Variants in PCNX4 observed in about 807,000 individuals in gnomAD.
The protein encoded by PCNX4 is pecanex-like protein 4.
PCNX4 carries 103 observed loss-of-function variants against 107.2 expected under a neutral mutation model. That is an observed-to-expected ratio of 0.96 (90% CI 0.82 to 1.13). The LOEUF (loss-of-function observed/expected upper bound fraction) is 1.13, where lower values mean the gene tolerates loss of function less well. Ranked by LOEUF, PCNX4 falls within the 50% of genes most tolerant of loss-of-function variation. The pLI is 0.00. For missense variants in PCNX4, 1,528 were observed against 1,379.4 expected (o/e 1.11, Z -1.71); for synonymous variants, 541 against 481.7 (o/e 1.12, Z -1.61).
At position 60,146,597 on chromosome 14, in the gene PCNX4, A is replaced by T. The variant is rs760620135; in HGVS notation, c.*12376A>T. ...ATACCTACACTCCCATGTTCATTTT[A>T]GCATTATTCATAATAGCCAAGATAT... is the stretch of plus-strand genomic sequence containing the variant. On this transcript the variant is annotated 3_prime_UTR_variant, in exon 11 of 11. Coordinates refer to ENST00000406854, the MANE Select transcript of PCNX4 (RefSeq NM_001330177.2). This position sits in a 1 kb window ranked among gnomAD's most constrained non-coding sequence, Gnocchi z 4.9. 1 of 152,186 alleles carries T rather than the reference A, an allele frequency of 6.6e-6. No individual in the cohort carries two copies. Among genetic ancestry groups the T allele is most frequent in the Non-Finnish European group, 1.5e-5 (1 of 68,028 alleles). The allele number at this position is 152,186 out of a possible 1,614,324, so 9.4% of individuals were successfully genotyped here.
chr14:60,092,888 T>A (rs1176847478), intron 1 of PCNX4, among the ~76,000 whole-genome samples: 4 of 152,238 alleles, frequency 2.6e-5, no homozygotes, highest in Non-Finnish European at 5.9e-5. Flanking sequence ...AATCGGAAGT[T>A]GTTTTCCATG....
rs772143235 is a variant in PCNX4 at position 60,138,844 on chromosome 14, C to T, written c.*4623C>T. The T allele has an allele frequency of 6.6e-6, 1 of 151,810 alleles. No homozygotes were observed. Among genetic ancestry groups the T allele is most frequent in the Admixed American group, 6.6e-5 (1 of 15,250 alleles). 9.4% of individuals were successfully genotyped at this position (151,810 alleles called of 1,614,324 possible). ...AATATTAACTATATAAAATAGTCTT[C>T]GAGGTTAAAATAAATAATGTTAAAA... is the stretch of plus-strand genomic sequence containing the variant. On this transcript the variant is annotated 3_prime_UTR_variant, in exon 11 of 11. Transcript: ENST00000406854.
At position 60,116,466 on chromosome 14, in the gene PCNX4, A is replaced by G. The variant is rs1895850590; in HGVS notation, c.1578+406A>G. ...AGACCACATATACAACGGTGGTTTC[A>G]TAAGATTATTATGGAGATGAAAAAT... On this transcript the variant is annotated intron_variant, in intron 6 of 10. Coordinates refer to ENST00000406854, the MANE Select transcript of PCNX4 (RefSeq NM_001330177.2). Among the ~76,000 whole-genome samples the G allele has an allele frequency of 2.0e-5, 3 of 152,322 alleles. No homozygotes were observed. The South Asian group carries it at 6.2e-4, about 32-fold the overall frequency.
chr14:60,115,595 G>T, intron 4 of PCNX4, 124 bp from the exon 5 acceptor site: 1 of 1,357,174 alleles, frequency 7.4e-7, no homozygotes, highest in Admixed American at 2.5e-5. Flanking sequence ...ATGGTTTTTT[G>T]TTTATTGGCT....
chr14:60,126,378 T>C (rs1474466281), intron 10 of PCNX4, among the ~76,000 whole-genome samples: 1 of 152,238 alleles, frequency 6.6e-6, no homozygotes, highest in Non-Finnish European at 1.5e-5. Flanking sequence ...TTTGTCTGTC[T>C]GGCATTATGG....
chr14:60,127,188 G>A (rs1371478166), intron 10 of PCNX4, among the ~76,000 whole-genome samples: 1 of 152,186 alleles, frequency 6.6e-6, no homozygotes, highest in Non-Finnish European at 1.5e-5. Context: ...TGGAGGTTGT[G>A]GTGCAAACTA....
At chr14:60,103,048 A>G (rs751192630) in intron 1 of PCNX4, among the ~76,000 whole-genome samples, 40 of 152,244 alleles carry the variant, frequency 2.6e-4, no homozygotes, top group Non-Finnish European at 4.7e-4. Context: ...AAAAGAAAAT[A>G]GAAACACCCA....
Position 60,146,147 on chromosome 14 carries a change from C to G in PCNX4, c.*11926C>G, listed in dbSNP as rs989001037. On this transcript the variant is annotated 3_prime_UTR_variant, in exon 11 of 11. Coordinates refer to ENST00000406854, the MANE Select transcript of PCNX4 (RefSeq NM_001330177.2). The surrounding 1 kb of genome is among the most constrained non-coding windows in gnomAD (Gnocchi z 4.9). ...ATGCCCAGCTTATAATAAAGAGTGA[C>G]AAAGTAGTAAGACTATATAATAAGC... 6.6e-6 allele frequency: 1 copy of G among 151,316 alleles called. No individual in the cohort carries two copies. The highest frequency in any genetic ancestry group is 1.5e-5 in the Non-Finnish European group (1 of 67,842). 9.4% of individuals were successfully genotyped at this position (151,316 alleles called of 1,614,324 possible).
Position 60,134,152 on chromosome 14 carries a change from A to G in PCNX4, c.3450A>G (p.Val1150=). 6.2e-7 allele frequency: 1 copy of G among 1,613,820 alleles called. No individual in the cohort carries two copies. Among genetic ancestry groups the G allele is most frequent in the South Asian group, 1.1e-5 (1 of 91,084 alleles). Residue 1150 remains valine (V), a synonymous_variant, in exon 11 of 11, where the codon GTA becomes GTG. Transcript: ENST00000406854. ...AHPLLLRNLT[V]QAAEPPLGYP... ...CACTACTTTTAAGAAATCTTACGGT[A>G]CAAGCAGCAGAACCTCCCCTGGGAT...
rs181112584 is a variant in PCNX4, at chr14:60,130,088, A to C, written c.3268-3882A>C. 1.2e-4 allele frequency among the ~76,000 whole-genome samples: 18 copies of C among 152,182 alleles called. No individual in the cohort carries two copies. In the East Asian group the frequency reaches 3.5e-3, roughly 29 times the overall value. The stretch of plus-strand genomic sequence containing the variant: ...GATTTAAGAAAATGCCTGTAATCCC[A>C]GCACTTTGGGAGGCCAAGGCAGGTG... On this transcript the variant is annotated intron_variant, in intron 10 of 10. Transcript: ENST00000406854.
rs1896216743 is a variant in PCNX4 at position 60,134,742 on chromosome 14, GT to G, written c.*524del. The stretch of plus-strand genomic sequence containing the variant: ...TATCTGAATGTTTTTGTATCAAGTA[GT>G]TTGTTTTCATAGACTTCAATTCATA... On this transcript the variant is annotated 3_prime_UTR_variant, in exon 11 of 11. Transcript: ENST00000406854. 3.9e-5 allele frequency: 6 copies of G among 152,192 alleles called. No individual in the cohort carries two copies. The highest frequency in any genetic ancestry group is 3.9e-4 in the Admixed American group (6 of 15,284). 9.4% of individuals were successfully genotyped at this position (152,192 alleles called of 1,614,324 possible). A position where few individuals can be genotyped will look rare whatever the true frequency, so the allele number is the denominator to read the frequency against.
At position 60,124,718 on chromosome 14, in the gene PCNX4, A is replaced by AGTAG; in HGVS notation, c.2547_2548insGTAG (p.Asn850ValfsTer16). ...ATCAGTTGAAAGATTTGCCAGGTAC[A>AGTAG]AATTTGTTTATTCCAGGATCAGTAG... On this transcript the variant is annotated frameshift_variant, in exon 9 of 11. Coordinates refer to ENST00000406854, the MANE Select transcript of PCNX4 (RefSeq NM_001330177.2). LOFTEE classifies it high-confidence loss of function. 6.2e-7 allele frequency: 1 copy of AGTAG among 1,613,166 alleles called. No individual in the cohort carries two copies. The highest frequency in any genetic ancestry group is 1.7e-5 in the Admixed American group (1 of 60,020).
chr14:60,113,918 TTTAACTG>T (rs1895787574), intron 2 of PCNX4, among the ~76,000 whole-genome samples: 1 of 152,196 alleles, frequency 6.6e-6, no homozygotes, highest in Non-Finnish European at 1.5e-5. Context: ...TGATGGTACA[TTTAACTG>T]TTAAGTGCTG....
chr14:60,136,550 TAAAG>T lies in PCNX4; in HGVS notation c.*2335_*2338del, dbSNP rs758250162. The T allele has an allele frequency of 5.9e-5, 9 of 152,512 alleles. No individual in the cohort carries two copies. Among genetic ancestry groups the T allele is most frequent in the South Asian group, 2.1e-4 (1 of 4,828 alleles). 9.4% of individuals were successfully genotyped at this position (152,512 alleles called of 1,614,324 possible). ...TAGATTTTGAAGGGAAGGTGAGAGT[TAAAG>T]AAAGACACACAGAGGGCAGCTTGAC... On this transcript the variant is annotated 3_prime_UTR_variant, in exon 11 of 11. Transcript: ENST00000406854.
intron 10 of PCNX4, among the ~76,000 whole-genome samples, chr14:60,127,130 G>A (rs1896069877): frequency 6.6e-6 from 1 of 152,176 alleles, no homozygotes; most frequent in Non-Finnish European, 1.5e-5. Context: ...AACAATGGAG[G>A]ACTTGCTGTT....
chr14:60,132,458 TAACTC>T (rs1397765799), intron 10 of PCNX4, among the ~76,000 whole-genome samples: 4 of 151,900 alleles, frequency 2.6e-5, no homozygotes, highest in Non-Finnish European at 4.4e-5. Flanking sequence ...ATTTTTAAAA[TAACTC>T]AAAAATACAT....
At chr14:60,117,986 C>A (rs756238683) in intron 6 of PCNX4, among the ~76,000 whole-genome samples, 3 of 151,986 alleles carry the variant, frequency 2.0e-5, no homozygotes, top group South Asian at 2.1e-4. Context: ...TTTTTTATTT[C>A]TTCTTGAGCC....
rs1267171800 is a variant in PCNX4 at position 60,144,254 on chromosome 14, A to ATAC, written c.*10035_*10037dup. ...CATCTTGGAGGTAAGGTCATTTCAA[A>ATAC]TACTTCTTTATATCTGGTCATTACC... On this transcript the variant is annotated 3_prime_UTR_variant, in exon 11 of 11. Transcript: ENST00000406854. The ATAC allele has an allele frequency of 6.6e-6, 1 of 152,190 alleles. No individual in the cohort carries two copies. The highest frequency in any genetic ancestry group is 2.4e-5 in the African/African-American group (1 of 41,442). 9.4% of individuals were successfully genotyped at this position (152,190 alleles called of 1,614,324 possible).
At chr14:60,114,213 C>T (rs1390421772) in intron 2 of PCNX4, among the ~76,000 whole-genome samples, 3 of 152,140 alleles carry the variant, frequency 2.0e-5, no homozygotes, top group African/African-American at 7.2e-5. Flanking sequence ...TTCTTAGCTG[C>T]TAATGTATGA....
Sources: allele counts gnomAD v4.1 joint callset (sites outside exome capture counted in the v4.1 genomes callset), GRCh38; gene constraint gnomAD v4.1.1; non-coding constraint Gnocchi (gnomAD v3.1); transcripts MANE v1.5; gene names NCBI Gene and HGNC (gene_info 2026-07-23, HGNC 2026-07-21).